The following MYT1L variants were observed in gnomAD, a reference collection of about 807,000 sequenced individuals.
The protein encoded by MYT1L is myelin transcription factor 1 like.
MYT1L carries 12 observed loss-of-function variants against 126.7 expected under a neutral mutation model. The ratio of observed to expected loss-of-function variants is 0.09; its 90% CI spans 0.06 to 0.15. The LOEUF (loss-of-function observed/expected upper bound fraction) is 0.15, where lower values mean the gene tolerates loss of function less well. Ranked by LOEUF, MYT1L falls within the 10% of genes least tolerant of loss-of-function variation. The pLI is 1.00. For synonymous variants in MYT1L, 541 were observed against 604.2 expected (o/e 0.90, Z 1.53); for missense variants, 979 against 1,585.2 (o/e 0.62, Z 6.49).
At chr2:1,858,259 G>A (rs1034913571) in intron 18 of MYT1L, among the ~76,000 whole-genome samples, 1 of 152,140 alleles carries the variant, frequency 6.6e-6, no homozygotes, top group African/African-American at 2.4e-5. Flanking sequence ...TCAAATAGGA[G>A]AAAAAGGCTC....
chr2:1,839,392 A>G (rs541692429), intron 20 of MYT1L, 22 bp from the exon 21 acceptor site: 6 of 1,602,540 alleles, frequency 3.7e-6, no homozygotes, highest in Non-Finnish European at 4.3e-6. Context: ...CAGAGGTGAC[A>G]CACTTTATTG....
intron 1 of MYT1L, among the ~76,000 whole-genome samples, chr2:2,298,661 G>A (rs2095736378): frequency 1.3e-5 from 2 of 152,032 alleles, no homozygotes; most frequent in African/African-American, 4.8e-5. Flanking sequence ...TGTATTCAGG[G>A]GAACATGAGC....
chr2:2,108,883 C>A (rs2079054785), intron 3 of MYT1L, among the ~76,000 whole-genome samples: 1 of 152,168 alleles, frequency 6.6e-6, no homozygotes, highest in Non-Finnish European at 1.5e-5. Context: ...TTGTACATTA[C>A]AAGTCACTGC....
intron 18 of MYT1L, among the ~76,000 whole-genome samples, chr2:1,868,291 A>G (rs2045858075): frequency 6.6e-6 from 1 of 152,230 alleles, no homozygotes; most frequent in African/African-American, 2.4e-5. Context: ...AAAATCATTT[A>G]AAAATGTGTC....
intron 22 of MYT1L, among the ~76,000 whole-genome samples, chr2:1,802,701 G>C (rs1339533368): frequency 6.6e-6 from 1 of 152,220 alleles, no homozygotes; most frequent in Admixed American, 6.5e-5. Flanking sequence ...CTGGCCGGCT[G>C]TGTCTGGTTA....
At chr2:2,073,541 A>C (rs1438975320) in intron 3 of MYT1L, among the ~76,000 whole-genome samples, 1 of 152,096 alleles carries the variant, frequency 6.6e-6, no homozygotes, top group African/African-American at 2.4e-5. Flanking sequence ...CTCCTCACTT[A>C]AAGACCTTTA....
chr2:2,015,548 C>T (rs556919593), intron 4 of MYT1L, among the ~76,000 whole-genome samples: 1 of 152,250 alleles, frequency 6.6e-6, no homozygotes, highest in South Asian at 2.1e-4. Context: ...ATCAGGGCAC[C>T]TCATTAAGTA....
chr2:2,014,399 T>C (rs545983914), intron 4 of MYT1L, among the ~76,000 whole-genome samples: 1 of 152,306 alleles, frequency 6.6e-6, no homozygotes, highest in Admixed American at 6.5e-5. Context: ...CGCCCTTCAC[T>C]GCTGACAGCC....
chr2:2,234,482 A>G (rs1352445312), intron 2 of MYT1L, among the ~76,000 whole-genome samples: 1 of 152,204 alleles, frequency 6.6e-6, no homozygotes, highest in African/African-American at 2.4e-5. Flanking sequence ...TGGATACATA[A>G]TATATACCTT....
At chr2:1,879,054 T>G (rs753190971) in intron 18 of MYT1L, among the ~76,000 whole-genome samples, 5 of 152,152 alleles carry the variant, frequency 3.3e-5, no homozygotes, top group South Asian at 2.1e-4. Flanking sequence ...AGATCACATG[T>G]AAGAGAGAGC....
chr2:2,026,446 G>A (rs888823623), intron 4 of MYT1L, among the ~76,000 whole-genome samples: 4 of 152,178 alleles, frequency 2.6e-5, no homozygotes, highest in Non-Finnish European at 4.4e-5. Context: ...GGGGTGGCCC[G>A]GGCCGAGGGA....
intron 3 of MYT1L, among the ~76,000 whole-genome samples, chr2:2,137,726 C>T (rs2083275279): frequency 6.6e-6 from 1 of 152,264 alleles, no homozygotes. Flanking sequence ...AGACCTAAAA[C>T]CATAAAAACT....
intron 3 of MYT1L, among the ~76,000 whole-genome samples, chr2:2,083,648 T>C (rs2076063475): frequency 6.6e-6 from 1 of 152,168 alleles, no homozygotes; most frequent in Non-Finnish European, 1.5e-5. Flanking sequence ...GACTGAGAAA[T>C]CTGACACTTT....
intron 4 of MYT1L, among the ~76,000 whole-genome samples, chr2:2,044,286 G>T (rs552469254): frequency 1.3e-5 from 2 of 152,122 alleles, no homozygotes; most frequent in Non-Finnish European, 2.9e-5. Context: ...TTTCTGTCAC[G>T]ATACACCACA....
In MYT1L at chr2:1,917,478, G is replaced by C; in HGVS notation, c.1484-139C>G. The C allele has an allele frequency of 2.0e-6, 2 of 983,298 alleles. No homozygotes were observed. The highest frequency in any genetic ancestry group is 3.0e-6 in the Non-Finnish European group (2 of 669,352). 60.9% of individuals were successfully genotyped at this position (983,298 alleles called of 1,614,324 possible). On this transcript the variant is annotated intron_variant, in intron 10 of 24. Transcript: ENST00000647738. The surrounding 1 kb of genome is among the most constrained non-coding windows in gnomAD (Gnocchi z 5.9). ...GGCTAGGCTGTGACATCAGACTTTTGCTTAGATAGTTCTTTGGTTTTGGGT... is the reference window on the plus strand; with the variant it reads ...GGCTAGGCTGTGACATCAGACTTTTCCTTAGATAGTTCTTTGGTTTTGGGT...
intron 2 of MYT1L, among the ~76,000 whole-genome samples, chr2:2,233,906 T>C (rs775350288): frequency 4.6e-5 from 7 of 152,204 alleles, no homozygotes; most frequent in African/African-American, 7.2e-5. Flanking sequence ...TATTTTCTTA[T>C]GGGGAGTTTG....
intron 3 of MYT1L, among the ~76,000 whole-genome samples, chr2:2,132,158 T>C (rs977258094): frequency 2.6e-5 from 4 of 151,926 alleles, no homozygotes; most frequent in Non-Finnish European, 5.9e-5. Flanking sequence ...CTGCCCACCT[T>C]GACCTCCCAA....
At chr2:1,883,296 A>G (rs2047794987) in intron 18 of MYT1L, among the ~76,000 whole-genome samples, 1 of 152,236 alleles carries the variant, frequency 6.6e-6, no homozygotes, top group African/African-American at 2.4e-5. Flanking sequence ...TTTGGCTCAC[A>G]TTGGTCATAC....
chr2:2,060,560 A>G (rs2070276582), intron 3 of MYT1L, among the ~76,000 whole-genome samples: 1 of 152,196 alleles, frequency 6.6e-6, no homozygotes, highest in African/African-American at 2.4e-5. Context: ...AAGTAGGCAT[A>G]AAATGACATT....
Sources: allele counts gnomAD v4.1 joint callset (sites outside exome capture counted in the v4.1 genomes callset), GRCh38; gene constraint gnomAD v4.1.1; non-coding constraint Gnocchi (gnomAD v3.1); transcripts MANE v1.5; gene names NCBI Gene and HGNC (gene_info 2026-07-23, HGNC 2026-07-21).